Variants in ADGRV1 observed in about 807,000 individuals in gnomAD.
ADGRV1 encodes the protein adhesion G protein-coupled receptor V1.
A neutral mutation model predicts 596.2 loss-of-function variants in ADGRV1; 359 were observed. That is an observed-to-expected ratio of 0.60 (90% CI 0.55 to 0.66). ADGRV1 has a LOEUF of 0.66. Ranked by LOEUF, ADGRV1 falls within the 30% of genes least tolerant of loss-of-function variation. The probability of loss-of-function intolerance (pLI) is 0.00; values close to 1 mark genes in which losing one functional copy is unlikely to be tolerated. For synonymous variants in ADGRV1, 2,681 were observed against 2,679.2 expected (o/e 1.00, Z -0.02); for missense variants, 7,274 against 7,575.6 (o/e 0.96, Z 1.48).
chr5:90,636,257 C>T (rs950334358), intron 10 of ADGRV1, among the ~76,000 whole-genome samples: 4 of 150,722 alleles, frequency 2.7e-5, no homozygotes, highest in Admixed American at 2.0e-4. Flanking sequence ...CTGAGACCTT[C>T]TCCAAGTCCC....
chr5:90,916,788 A>G (rs1408616717), intron 83 of ADGRV1, among the ~76,000 whole-genome samples: 2 of 133,508 alleles, frequency 1.5e-5, no homozygotes, highest in African/African-American at 2.8e-5. Flanking sequence ...GCCCGCCACT[A>G]CGCCCGGCTA....
intron 85 of ADGRV1, among the ~76,000 whole-genome samples, chr5:91,033,896 AT>A (rs1455580887): frequency 1.3e-5 from 2 of 152,150 alleles, no homozygotes; most frequent in African/African-American, 4.8e-5. Context: ...ACATTTTTAC[AT>A]TTAACAGATA....
rs749389983 is a variant in ADGRV1, at chr5:90,685,808, G to C, written c.6303G>C (p.Lys2101Asn). ...CAAATTCTCCACGTCTTGGGCCTAA[G>C]GTAGAAACTATTGCGCAACTAATTA... The part of the protein sequence containing the change: ...SIPNSPRLGP[K>N]VETIAQLIII... Residue 2101 changes from lysine to asparagine, a missense_variant, in exon 29 of 90, where the codon AAG (lysine) becomes AAC (asparagine). Around this residue, in one of 5 missense-constraint regions of ADGRV1, gnomAD observed 3,643 missense variants for 3,809.2 expected, o/e 0.96. Transcript: ENST00000405460. 5.6e-6 allele frequency: 9 copies of C among 1,610,214 alleles called. No individual in the cohort carries two copies. In the East Asian group the frequency reaches 2.0e-4, roughly 36 times the overall value.
At chr5:90,725,028 G>A in intron 46 of ADGRV1, 39 bp downstream of exon 46, 1 of 1,544,426 alleles carries the variant, frequency 6.5e-7, no homozygotes, top group Non-Finnish European at 8.8e-7. Context: ...AAAATAAAAT[G>A]TGCAGATAAA....
intron 85 of ADGRV1, among the ~76,000 whole-genome samples, chr5:91,038,062 C>CA (rs1785049366): frequency 6.6e-6 from 1 of 152,040 alleles, no homozygotes; most frequent in African/African-American, 2.4e-5. Flanking sequence ...GCAGATATTC[C>CA]AAAATCTGAA....
intron 83 of ADGRV1, among the ~76,000 whole-genome samples, chr5:90,923,660 A>G (rs1202439100): frequency 6.6e-6 from 1 of 152,124 alleles, no homozygotes; most frequent in East Asian, 1.9e-4. Flanking sequence ...TTTAAGTTTT[A>G]GGGTACATGT....
intron 83 of ADGRV1, among the ~76,000 whole-genome samples, chr5:90,889,590 C>CAA (rs560545061): frequency 6.9e-4 from 105 of 151,992 alleles, no homozygotes; most frequent in Non-Finnish European, 9.7e-4. Flanking sequence ...AAAAACTATG[C>CAA]AATTTTATTT....
At chr5:91,025,470 G>A (rs1783949109) in intron 85 of ADGRV1, among the ~76,000 whole-genome samples, 1 of 151,952 alleles carries the variant, frequency 6.6e-6, no homozygotes, top group Non-Finnish European at 1.5e-5. Context: ...GACCTTTGTG[G>A]ACATAGAGGT....
intron 8 of ADGRV1, 105 bp from the exon 9 acceptor site, chr5:90,629,105 T>C: frequency 4.6e-6 from 3 of 656,740 alleles, no homozygotes; most frequent in Admixed American, 3.7e-5. Flanking sequence ...TTTTTAGACA[T>C]AAAATATTAA....
intron 85 of ADGRV1, among the ~76,000 whole-genome samples, chr5:91,002,953 A>G (rs1781966853): frequency 6.6e-6 from 1 of 152,178 alleles, no homozygotes. Flanking sequence ...TGATACTTTA[A>G]AAACCAATGA....
chr5:90,640,521 C>A (rs1009688108), intron 11 of ADGRV1, among the ~76,000 whole-genome samples: 7 of 152,070 alleles, frequency 4.6e-5, no homozygotes, highest in Non-Finnish European at 1.0e-4. Flanking sequence ...CTGTACAGTG[C>A]TTGGCAGGCA....
chr5:90,644,606 G>C (rs1223157874), intron 14 of ADGRV1, 100 bp from the exon 15 acceptor site: 1 of 856,808 alleles, frequency 1.2e-6, no homozygotes, highest in Non-Finnish European at 1.9e-6. Context: ...ATTAAAAAGA[G>C]GTGTTGTTTT....
intron 84 of ADGRV1, among the ~76,000 whole-genome samples, chr5:90,976,354 A>G (rs1176096494): frequency 1.4e-5 from 2 of 145,414 alleles, no homozygotes; most frequent in Non-Finnish European, 3.0e-5. Context: ...ATATATGTAT[A>G]TGTATATATG....
intron 85 of ADGRV1, among the ~76,000 whole-genome samples, chr5:90,991,876 GA>G (rs569381894): frequency 3.9e-5 from 6 of 151,982 alleles, no homozygotes; most frequent in Non-Finnish European, 7.4e-5. Context: ...AGAGAATCAT[GA>G]AAAAAAAGTT....
At chr5:91,048,296 C>G (rs994631067) in intron 85 of ADGRV1, among the ~76,000 whole-genome samples, 1 of 152,240 alleles carries the variant, frequency 6.6e-6, no homozygotes, top group Non-Finnish European at 1.5e-5. Flanking sequence ...CCAGAAGGTT[C>G]TATCAGACAA....
In ADGRV1 at chr5:90,800,053, G is replaced by A. The variant is rs549465674; in HGVS notation, c.14518-2686G>A. ...CATGTCTGAAACACCAAAAGCAATG[G>A]CAACGGAAGCCAAAATTGACCAATG... On this transcript the variant is annotated intron_variant, in intron 70 of 89. Coordinates refer to ENST00000405460, the MANE Select transcript of ADGRV1 (RefSeq NM_032119.4). Among the ~76,000 whole-genome samples, 9 of 152,252 alleles carry A rather than the reference G, an allele frequency of 5.9e-5. No individual in the cohort carries two copies. In the South Asian group the frequency reaches 1.7e-3, roughly 28 times the overall value.
chr5:90,610,224 T>G (rs1214896674), intron 1 of ADGRV1, among the ~76,000 whole-genome samples: 1 of 151,980 alleles, frequency 6.6e-6, no homozygotes, highest in Non-Finnish European at 1.5e-5. Flanking sequence ...TGACACGTTG[T>G]TGATGAATTT....
At chr5:90,680,861 C>T (rs905035004) in intron 26 of ADGRV1, among the ~76,000 whole-genome samples, 14 of 152,154 alleles carry the variant, frequency 9.2e-5, no homozygotes, top group Non-Finnish European at 1.6e-4. Flanking sequence ...AGTATCATCA[C>T]ATGATGAAAA....
chr5:90,816,895 A>T (rs1026683424), intron 75 of ADGRV1, among the ~76,000 whole-genome samples: 5 of 152,160 alleles, frequency 3.3e-5, no homozygotes, highest in South Asian at 4.1e-4. Flanking sequence ...TCTTTATAGC[A>T]GCATGATCTA....
Sources: gnomAD v4.1 joint callset for allele counts (sites outside exome capture counted in the v4.1 genomes callset) on GRCh38, gnomAD v4.1.1 for gene constraint, gnomAD v4.1.1 regional missense constraint, MANE v1.5 for transcripts, NCBI Gene and HGNC (gene_info 2026-07-23, HGNC 2026-07-21) for gene names.